Variants in PLXNA2 observed in about 807,000 individuals in gnomAD.
PLXNA2 encodes the protein plexin-A2.
PLXNA2 carries 91 observed loss-of-function variants against 193.5 expected under a neutral mutation model. The ratio of observed to expected loss-of-function variants is 0.47; its 90% CI spans 0.40 to 0.56. The LOEUF (loss-of-function observed/expected upper bound fraction) is 0.56, where lower values mean the gene tolerates loss of function less well. Ranked by LOEUF, PLXNA2 falls within the 20% of genes least tolerant of loss-of-function variation. The pLI, the probability that PLXNA2 is intolerant of heterozygous loss-of-function variation, is 0.00. For missense variants in PLXNA2, 1,995 were observed against 2,503.2 expected (o/e 0.80, Z 4.33); for synonymous variants, 997 against 1,027.3 (o/e 0.97, Z 0.56).
intron 13 of PLXNA2, among the ~76,000 whole-genome samples, chr1:208,056,348 C>T (rs1045958068): frequency 9.9e-5 from 15 of 152,168 alleles, no homozygotes; most frequent in East Asian, 7.7e-4. Flanking sequence ...TCATCACCCT[C>T]GGACACTCTG....
intron 1 of PLXNA2, among the ~76,000 whole-genome samples, chr1:208,224,860 A>G (rs1311524213): frequency 6.6e-6 from 1 of 152,140 alleles, no homozygotes; most frequent in Admixed American, 6.6e-5. Context: ...CTCTCTTACT[A>G]TGAGAAGGTG....
In PLXNA2 at chr1:208,089,700, T is replaced by G. The variant is rs187321853; in HGVS notation, c.2097+3086A>C. ...ATGTTGCTATATTAATCAATGGAGCTAATCAGTTATATATTGTTTCTAGGA... is the reference window on the plus strand; with the variant it reads ...ATGTTGCTATATTAATCAATGGAGCGAATCAGTTATATATTGTTTCTAGGA... On this transcript the variant is annotated intron_variant, in intron 9 of 31. Transcript: ENST00000367033. Among the ~76,000 whole-genome samples the G allele has an allele frequency of 1.5e-3, 226 of 152,292 alleles. 3 individuals are homozygous for G. The highest frequency in any genetic ancestry group is 5.2e-3 in the African/African-American group (216 of 41,544).
intron 4 of PLXNA2, among the ~76,000 whole-genome samples, chr1:208,113,985 T>C (rs892644263): frequency 3.3e-5 from 5 of 152,268 alleles, no homozygotes; most frequent in South Asian, 2.1e-4. Flanking sequence ...AGAGCATCTT[T>C]GCTGTTGTTG....
In PLXNA2 at chr1:208,044,640, G is replaced by T; in HGVS notation, c.3742C>A (p.Leu1248Ile). 1.2e-6 allele frequency: 2 copies of T among 1,614,082 alleles called. No homozygotes were observed. The highest frequency in any genetic ancestry group is 4.5e-5 in the East Asian group (2 of 44,866). Residue 1248 changes from leucine to isoleucine, a missense_variant, in exon 20 of 32, where the codon CTC becomes ATC. Coordinates refer to ENST00000367033, the MANE Select transcript of PLXNA2 (RefSeq NM_025179.4). This position sits in a 1 kb window ranked among gnomAD's most constrained non-coding sequence, Gnocchi z 4.9. ...AIVSIAAGGS[L>I]LLIIVIIVLI... ...ACGATGATGACGATGATGAGGAGGA[G>T]GCTGCCGCCGGCCGCGATGCTGACG... is the stretch of plus-strand genomic sequence containing the variant.
chr1:208,096,312 C>G (rs1234773881), intron 7 of PLXNA2, among the ~76,000 whole-genome samples, 187 bp from the exon 8 acceptor site: 2 of 152,172 alleles, frequency 1.3e-5, no homozygotes. Flanking sequence ...TACCAGCCCA[C>G]CCCTCAGACC....
At chr1:208,159,843 C>T (rs1158522133) in intron 3 of PLXNA2, among the ~76,000 whole-genome samples, 1 of 152,142 alleles carries the variant, frequency 6.6e-6, no homozygotes, top group Non-Finnish European at 1.5e-5. Context: ...GAGGGTGAAC[C>T]TGTGCTTCCA....
chr1:208,136,369 C>T (rs908828434), intron 4 of PLXNA2, among the ~76,000 whole-genome samples: 5 of 152,196 alleles, frequency 3.3e-5, no homozygotes, highest in Admixed American at 6.5e-5. Context: ...CTAGGACATT[C>T]GGAACTGGGG....
chr1:208,208,136 T>G (rs143073993), intron 3 of PLXNA2, among the ~76,000 whole-genome samples: 55 of 152,384 alleles, frequency 3.6e-4, no homozygotes, highest in African/African-American at 1.3e-3. Flanking sequence ...AAGGTCCCTT[T>G]GTATCTGGTT....
rs757913091 is a variant in PLXNA2, at chr1:208,208,842, G to A, written c.1371+1438C>T. On this transcript the variant is annotated intron_variant, in intron 3 of 31. Coordinates refer to ENST00000367033, the MANE Select transcript of PLXNA2 (RefSeq NM_025179.4). ...CTGGATTTCAACTCCCACTAGGCCC[G>A]TTAACACAATCCTCCTAGGCCAGGC... 2.0e-4 allele frequency among the ~76,000 whole-genome samples: 31 copies of A among 152,182 alleles called. 1 individual carries two copies. Among genetic ancestry groups the A allele is most frequent in the Non-Finnish European group, 2.6e-4 (18 of 68,024 alleles).
At chr1:208,192,639 C>T (rs1670218845) in intron 3 of PLXNA2, among the ~76,000 whole-genome samples, 1 of 152,046 alleles carries the variant, frequency 6.6e-6, no homozygotes, top group Admixed American at 6.5e-5. Flanking sequence ...GTAATCCCAG[C>T]ACTTTGGGAG....
At position 208,142,427 on chromosome 1, in the gene PLXNA2, A is replaced by G; in HGVS notation, c.1408T>C (p.Tyr470His). The G allele has an allele frequency of 6.2e-7, 1 of 1,612,824 alleles. No homozygotes were observed. Among genetic ancestry groups the G allele is most frequent in the Non-Finnish European group, 8.5e-7 (1 of 1,179,654 alleles). ...TCCTTGAGCACAGAGACCATCTCGT[A>G]CTGGACCCCACCATGGGGGGGACCG... Reference protein sequence around the residue: ...ADGPPHGGVQYEMVSVLKDGS... With the variant: ...ADGPPHGGVQHEMVSVLKDGS... Residue 470 changes from tyrosine (Y) to histidine (H), a missense_variant, in exon 4 of 32, where the codon TAC becomes CAC. By Grantham distance (83) the Tyr-to-His change is moderately conservative. Coordinates refer to ENST00000367033, the MANE Select transcript of PLXNA2 (RefSeq NM_025179.4).
chr1:208,133,111 T>G (rs1266629127), intron 4 of PLXNA2, among the ~76,000 whole-genome samples: 1 of 152,200 alleles, frequency 6.6e-6, no homozygotes, highest in Non-Finnish European at 1.5e-5. Context: ...CACTAGAGAA[T>G]CTCTGGATAA....
chr1:208,182,623 G>C (rs1462981858), intron 3 of PLXNA2, among the ~76,000 whole-genome samples: 2 of 151,900 alleles, frequency 1.3e-5, no homozygotes, highest in Non-Finnish European at 2.9e-5. Flanking sequence ...TCATTTTGCA[G>C]ATAGGAAAAC....
chr1:208,229,546 T>C (rs955295593), intron 1 of PLXNA2, among the ~76,000 whole-genome samples: 1 of 152,208 alleles, frequency 6.6e-6, no homozygotes, highest in Admixed American at 6.5e-5. Context: ...GGATCTGTCA[T>C]GACTGATCTT....
Position 208,031,631 on chromosome 1 carries a change from G to A in PLXNA2, c.5184C>T (p.Ser1728=), listed in dbSNP as rs1202408994. 1.2e-6 allele frequency: 2 copies of A among 1,614,042 alleles called. No homozygotes were observed. The highest frequency in any genetic ancestry group is 2.2e-5 in the South Asian group (2 of 91,064). ...DFLDEQADRH[S]IHDTDVRHTW... ...TGTGCCGCACATCTGTGTCATGGATGCTGTGCCTGTCTGCCTGCTCATCTA... is the reference window on the plus strand; with the variant it reads ...TGTGCCGCACATCTGTGTCATGGATACTGTGCCTGTCTGCCTGCTCATCTA... The change falls in exon 29 of 32, where the codon AGC becomes AGT. Residue 1728 remains serine, a synonymous_variant. Coordinates refer to ENST00000367033, the MANE Select transcript of PLXNA2 (RefSeq NM_025179.4).
chr1:208,030,156 C>T lies in PLXNA2; in HGVS notation c.5226-1114G>A, dbSNP rs543406713. On this transcript the variant is annotated intron_variant, in intron 29 of 31. Transcript: ENST00000367033. The stretch of plus-strand genomic sequence containing the variant: ...ACAGGATCCCTCACTTTCCTCTAGC[C>T]TGGGAGAAGCTGCTGCAGCTGAGAG... 696 of 985,578 alleles carry T rather than the reference C, an allele frequency of 7.1e-4. 1 individual carries two copies. Among genetic ancestry groups the T allele is most frequent in the Non-Finnish European group, 7.1e-4 (590 of 830,028 alleles). The allele number at this position is 985,578 out of a possible 1,614,324, so 61.1% of individuals were successfully genotyped here. A position where few individuals can be genotyped will look rare whatever the true frequency, so the allele number is the denominator to read the frequency against.
chr1:208,209,424 G>A (rs981645425), intron 3 of PLXNA2, among the ~76,000 whole-genome samples: 10 of 152,232 alleles, frequency 6.6e-5, no homozygotes, highest in Non-Finnish European at 1.3e-4. Flanking sequence ...TGATCCACAG[G>A]TGCTGGGACC....
At chr1:208,137,437 T>A (rs1024523823) in intron 4 of PLXNA2, among the ~76,000 whole-genome samples, 1 of 152,236 alleles carries the variant, frequency 6.6e-6, no homozygotes, top group African/African-American at 2.4e-5. Context: ...TCAAGTTTCT[T>A]TTCATCTTGT....
intron 27 of PLXNA2, among the ~76,000 whole-genome samples, chr1:208,033,894 G>A (rs1388096978): frequency 6.6e-6 from 1 of 152,206 alleles, no homozygotes; most frequent in Non-Finnish European, 1.5e-5. Flanking sequence ...CCTCTTGGGA[G>A]TTAAGGGTCT....
Sources: allele counts gnomAD v4.1 joint callset (sites outside exome capture counted in the v4.1 genomes callset), GRCh38; gene constraint gnomAD v4.1.1; non-coding constraint Gnocchi (gnomAD v3.1); transcripts MANE v1.5; gene names NCBI Gene and HGNC (gene_info 2026-07-23, HGNC 2026-07-21).